The following ITGA3 variants were observed in gnomAD, a reference collection of about 807,000 sequenced individuals.
ITGA3 encodes integrin subunit alpha 3, also known as integrin alpha-3.
Under a neutral mutation model 131.1 loss-of-function variants are expected in ITGA3, and 70 were observed. That is an observed-to-expected ratio of 0.53 (90% CI 0.44 to 0.65). ITGA3 has a LOEUF of 0.65. Among genes scored for constraint, ITGA3 ranks in the 30% least tolerant of loss-of-function variants. ITGA3 has a pLI of 0.00. For synonymous variants in ITGA3, 537 were observed against 571.6 expected, an observed-to-expected ratio of 0.94 and a Z score of 0.86; for missense variants, 1,098 against 1,388.6, an observed-to-expected ratio of 0.79 and a Z score of 3.33.
At chr17:50,084,214 G>A (rs180757443) in intron 23 of ITGA3, among the ~76,000 whole-genome samples, 1 of 116,614 alleles carries the variant, frequency 8.6e-6, no homozygotes, top group Admixed American at 1.2e-4. Context: ...CTGGACGACA[G>A]AGTGAGACTC....
At position 50,079,572 on chromosome 17, in the gene ITGA3, C is replaced by A; in HGVS notation, c.2706+15C>A. On this transcript the variant is annotated intron_variant, in intron 21 of 25. Coordinates refer to ENST00000320031, the MANE Select transcript of ITGA3 (RefSeq NM_002204.4). ...AGACTGTGCTGGTGAGTGGCCAGGG[C>A]GAGGTTGGAGGGGATTGCATCCACC... The A allele has an allele frequency of 6.6e-7, 1 of 1,511,536 alleles. No homozygotes were observed. Among genetic ancestry groups the A allele is most frequent in the Non-Finnish European group, 8.9e-7 (1 of 1,129,640 alleles). The allele number at this position is 1,511,536 out of a possible 1,614,324, so 93.6% of individuals were successfully genotyped here. A position where few individuals can be genotyped will look rare whatever the true frequency, so the allele number is the denominator to read the frequency against.
chr17:50,064,788 G>A lies in ITGA3; in HGVS notation c.414+181G>A. On this transcript the variant is annotated intron_variant, in intron 3 of 25. Transcript: ENST00000320031. The surrounding 1 kb of genome is among the most constrained non-coding windows in gnomAD (Gnocchi z 4.4). ...CTCTGCACTCCTGGGGAGGGGGTGA[G>A]TATCCTGTGCTCTCCCAAACCCCCG... 1.7e-6 allele frequency: 1 copy of A among 572,988 alleles called. No individual in the cohort carries two copies. Among genetic ancestry groups the A allele is most frequent in the Non-Finnish European group, 3.1e-6 (1 of 324,638 alleles). 35.5% of individuals were successfully genotyped at this position (572,988 alleles called of 1,614,324 possible).
Position 50,078,042 on chromosome 17 carries a change from G to A in ITGA3, c.2140-4G>A. Reference sequence around the variant, plus strand: ...ACTCTCTGCCTCCCTGACCCTTGTGGCAGATGGAGCTGCTCATCGCCTTTG... The same window carrying A: ...ACTCTCTGCCTCCCTGACCCTTGTGACAGATGGAGCTGCTCATCGCCTTTG... On this transcript the variant is annotated splice_polypyrimidine_tract_variant and splice_region_variant and intron_variant, in intron 16 of 25. Transcript: ENST00000320031. 1 of 1,608,756 alleles carries A rather than the reference G, an allele frequency of 6.2e-7. No individual in the cohort carries two copies. Among genetic ancestry groups the A allele is most frequent in the African/African-American group, 1.3e-5 (1 of 74,956 alleles).
In ITGA3 at chr17:50,064,263, A is replaced by G; in HGVS notation, c.334+59A>G. 6.4e-7 allele frequency: 1 copy of G among 1,555,232 alleles called. No individual in the cohort carries two copies. Among genetic ancestry groups the G allele is most frequent in the Non-Finnish European group, 8.7e-7 (1 of 1,151,520 alleles). On this transcript the variant is annotated intron_variant, in intron 2 of 25. Coordinates refer to ENST00000320031, the MANE Select transcript of ITGA3 (RefSeq NM_002204.4). This position sits in a 1 kb window ranked among gnomAD's most constrained non-coding sequence, Gnocchi z 4.4. ...CAGAGGTCTGGCAGGGGGGTACCGC[A>G]GAGAGAATGGCCTGGAGGAGATAGA... is the stretch of plus-strand genomic sequence containing the variant.
intron 1 of ITGA3, among the ~76,000 whole-genome samples, chr17:50,060,433 C>T (rs117740301): frequency 3.2e-4 from 48 of 152,366 alleles, no homozygotes; most frequent in Admixed American, 5.9e-4. Flanking sequence ...TACTGTGCCG[C>T]GCCCTTCTTT....
rs1027228949 is a variant in ITGA3 at position 50,077,082 on chromosome 17, G to A, written c.2031G>A (p.Leu677=). The part of the protein sequence containing the change: ...GEDAHEALLT[L]VVPPALLLSS... ...ACGCCCACGAGGCGCTGCTCACCCT[G>A]GTGGTGCCTCCCGCCCTGCTGCTGT... Residue 677 remains leucine (L), a synonymous_variant, in exon 15 of 26, where the codon CTG becomes CTA. Transcript: ENST00000320031. 2 of 1,587,334 alleles carry A rather than the reference G, an allele frequency of 1.3e-6. No homozygotes were observed. The highest frequency in any genetic ancestry group is 8.6e-7 in the Non-Finnish European group (1 of 1,164,674).
chr17:50,072,882 CA>C (rs1368531548), intron 7 of ITGA3, among the ~76,000 whole-genome samples: 1 of 152,034 alleles, frequency 6.6e-6, no homozygotes, highest in Admixed American at 6.6e-5. Context: ...GTATCAGGGA[CA>C]GGGGCAGACC....
chr17:50,064,333 A>G lies in ITGA3; in HGVS notation c.334+129A>G. 4.6e-6 allele frequency: 6 copies of G among 1,310,176 alleles called. No homozygotes were observed. The highest frequency in any genetic ancestry group is 6.3e-6 in the Non-Finnish European group (6 of 951,666). The allele number at this position is 1,310,176 out of a possible 1,614,324, so 81.2% of individuals were successfully genotyped here. On this transcript the variant is annotated intron_variant, in intron 2 of 25. Coordinates refer to ENST00000320031, the MANE Select transcript of ITGA3 (RefSeq NM_002204.4). The surrounding 1 kb of genome is among the most constrained non-coding windows in gnomAD (Gnocchi z 4.4). ...CTAGTCGCTTCTTGTCCAGCTGGGA[A>G]GAGGGTGCCCTAGAGGAGAGTGGGG...
chr17:50,086,749 G>A (rs975468888), intron 23 of ITGA3: 4 of 150,156 alleles, frequency 2.7e-5, no homozygotes, highest in African/African-American at 9.8e-5. Flanking sequence ...CATTGTAGGG[G>A]AAGAAAAAGA....
rs564166433 is a variant in ITGA3 at position 50,076,630 on chromosome 17, A to G, written c.1871A>G (p.Asn624Ser). The change falls in exon 14 of 26, where the codon AAC becomes AGC. Residue 624 changes from asparagine (N) to serine (S), a missense_variant. Asn to Ser is a conservative substitution (Grantham distance 46, BLOSUM62 1). Around this residue, in one of 3 missense-constraint regions of ITGA3, gnomAD observed 699 missense variants for 829.2 expected, o/e 0.84. Coordinates refer to ENST00000320031, the MANE Select transcript of ITGA3 (RefSeq NM_002204.4). ...GGGCCTGACAACAAGTGTGAGAGCA[A>G]CTTGCAGATGCGGGCAGCCTTCGTG... ...ECGPDNKCES[N>S]LQMRAAFVSE... 1.2e-6 allele frequency: 2 copies of G among 1,613,664 alleles called. No individual in the cohort carries two copies. The highest frequency in any genetic ancestry group is 1.3e-5 in the African/African-American group (1 of 75,026).
intron 1 of ITGA3, among the ~76,000 whole-genome samples, chr17:50,063,096 G>A (rs921074506): frequency 6.7e-6 from 1 of 148,192 alleles, no homozygotes; most frequent in Admixed American, 6.6e-5. Context: ...GCATTTCAGG[G>A]CCAACCCCTG....
chr17:50,056,944 A>T lies in ITGA3; in HGVS notation c.206+299A>T, dbSNP rs955647760. Among the ~76,000 whole-genome samples, 1 of 152,126 alleles carries T rather than the reference A, an allele frequency of 6.6e-6. No individual in the cohort carries two copies. The highest frequency in any genetic ancestry group is 2.4e-5 in the African/African-American group (1 of 41,426). On this transcript the variant is annotated intron_variant, in intron 1 of 25. Transcript: ENST00000320031. The surrounding 1 kb of genome is among the most constrained non-coding windows in gnomAD (Gnocchi z 5.6). ...GAGTCCTCTCCCATTCTGTGAACCGAGTACCCAGCACTAGCCTGTTCTCTC... is the reference window on the plus strand; with the variant it reads ...GAGTCCTCTCCCATTCTGTGAACCGTGTACCCAGCACTAGCCTGTTCTCTC...
chr17:50,074,412 G>A (rs376523161), intron 9 of ITGA3, 36 bp from the exon 10 acceptor site: 19 of 1,606,980 alleles, frequency 1.2e-5, no homozygotes, highest in Non-Finnish European at 1.6e-5. Flanking sequence ...GCAGGCAGGA[G>A]GCACTGATAT....
chr17:50,080,892 A>G (rs1909159298), intron 22 of ITGA3, among the ~76,000 whole-genome samples: 1 of 152,136 alleles, frequency 6.6e-6, no homozygotes, highest in Non-Finnish European at 1.5e-5. Context: ...ACATGACTAG[A>G]TTAGAAATCT....
rs1012951159 is a variant in ITGA3, at chr17:50,081,580, C to T, written c.2919+172C>T. Among the ~76,000 whole-genome samples the T allele has an allele frequency of 9.9e-5, 15 of 152,272 alleles. No individual in the cohort carries two copies. In the South Asian group the frequency reaches 1.2e-3, roughly 13 times the overall value. ...GGACTGCACCCAGAGCAATTAACCC[C>T]GGGTCCCTGGGAGTGGATTCCGGGA... On this transcript the variant is annotated intron_variant, in intron 23 of 25. Transcript: ENST00000320031.
intron 3 of ITGA3, among the ~76,000 whole-genome samples, chr17:50,067,114 A>G (rs574334408): frequency 3.3e-5 from 5 of 152,306 alleles, no homozygotes; most frequent in African/African-American, 9.6e-5. Flanking sequence ...TGTTCATTCA[A>G]CAGATATTTG....
At chr17:50,080,511 G>T in intron 22 of ITGA3, 136 bp downstream of exon 22, 1 of 548,138 alleles carries the variant, frequency 1.8e-6, no homozygotes, top group Non-Finnish European at 3.2e-6. Flanking sequence ...TGTGTGATTT[G>T]CGTGTCTTTG....
In ITGA3 at chr17:50,074,152, T is replaced by C; in HGVS notation, c.1254T>C (p.His418=). ...GLLRQPQQVI[H]GEKLGLPGLA... The stretch of plus-strand genomic sequence containing the variant: ...CTTTCCCCTGCCCCCAGGTAATCCA[T>C]GGAGAGAAGCTGGGACTGCCTGGGT... Residue 418 remains histidine (H), a synonymous_variant, in exon 9 of 26, where the codon CAT becomes CAC. Transcript: ENST00000320031. The C allele has an allele frequency of 6.2e-7, 1 of 1,613,258 alleles. No homozygotes were observed. The highest frequency in any genetic ancestry group is 1.1e-5 in the South Asian group (1 of 91,060).
At chr17:50,060,356 C>A (rs1040195564) in intron 1 of ITGA3, among the ~76,000 whole-genome samples, 3 of 152,224 alleles carry the variant, frequency 2.0e-5, no homozygotes, top group Admixed American at 6.5e-5. Flanking sequence ...CATTACCCCA[C>A]CCCAGTGCCC....
Sources: allele counts gnomAD v4.1 joint callset (sites outside exome capture counted in the v4.1 genomes callset), GRCh38; gene constraint gnomAD v4.1.1; regional missense constraint gnomAD v4.1.1; non-coding constraint Gnocchi (gnomAD v3.1); transcripts MANE v1.5; gene names NCBI Gene and HGNC (gene_info 2026-07-23, HGNC 2026-07-21).